KAZN: variants seen among roughly 807,000 people sequenced by gnomAD.
KAZN encodes the protein kazrin.
In KAZN, 40 loss-of-function variants were observed where a neutral mutation model predicts 87.4. That is an observed-to-expected ratio of 0.46 (90% CI 0.36 to 0.60). The LOEUF (loss-of-function observed/expected upper bound fraction) is 0.60. Among genes scored for constraint, KAZN ranks in the 20% least tolerant of loss-of-function variants. The pLI, the probability that KAZN is intolerant of heterozygous loss-of-function variation, is 0.00. For synonymous variants in KAZN, 466 were observed against 458.3 expected, an observed-to-expected ratio of 1.02 and a Z score of -0.22; for missense variants, 898 against 1,073.9, an observed-to-expected ratio of 0.84 and a Z score of 2.29.
chr1:14,744,175 C>T (rs1402507349), intron 1 of KAZN, among the ~76,000 whole-genome samples: 2 of 152,190 alleles, frequency 1.3e-5, no homozygotes, highest in Non-Finnish European at 2.9e-5. Flanking sequence ...CATTTGCACA[C>T]ATTATTAATA....
chr1:14,008,185 C>A (rs1379624068), intron 1 of KAZN, among the ~76,000 whole-genome samples: 2 of 152,130 alleles, frequency 1.3e-5, no homozygotes, highest in East Asian at 1.9e-4. Context: ...TCATGCAAAA[C>A]CCTCCTGTGC....
chr1:14,576,804 GA>G (rs141008552), intron 2 of KAZN, among the ~76,000 whole-genome samples: 15,288 of 152,050 alleles, frequency 0.1, 825 homozygotes, highest in Non-Finnish European at 0.13. Context: ...AAAAAAAAAG[GA>G]AAAAAATCCA....
At chr1:14,911,871 G>A (rs994211075) in intron 1 of KAZN, among the ~76,000 whole-genome samples, 3 of 152,142 alleles carry the variant, frequency 2.0e-5, no homozygotes, top group African/African-American at 2.4e-5. Context: ...GAAAAGCCTC[G>A]GCCAGGCACG....
chr1:14,126,353 T>TCCCCCCCCCCCCCCCCCCC (rs111821810), intron 1 of KAZN, among the ~76,000 whole-genome samples: 1 of 34,158 alleles, frequency 2.9e-5, no homozygotes, highest in Non-Finnish European at 5.3e-5. Context: ...AGCTCTCCCC[T>TCCCCCCCCCCCCCCCCCCC]CCCCCCCCCC....
chr1:14,544,681 G>A (rs1261597175), intron 2 of KAZN, among the ~76,000 whole-genome samples: 3 of 150,680 alleles, frequency 2.0e-5, no homozygotes, highest in Non-Finnish European at 2.9e-5. Flanking sequence ...ATGTATTTAT[G>A]CCACATTATT....
intron 2 of KAZN, among the ~76,000 whole-genome samples, chr1:14,323,286 C>T (rs897289762): frequency 6.6e-6 from 1 of 152,002 alleles, no homozygotes; most frequent in Non-Finnish European, 1.5e-5. Context: ...CGTGGCCATG[C>T]CTGGTGGATG....
intron 2 of KAZN, among the ~76,000 whole-genome samples, chr1:14,571,325 C>T (rs1674850877): frequency 6.6e-6 from 1 of 151,798 alleles, no homozygotes; most frequent in African/African-American, 2.4e-5. Context: ...GCAATAATTA[C>T]ACCAAAGAGA....
At chr1:14,473,500 G>A (rs1187116817) in intron 2 of KAZN, among the ~76,000 whole-genome samples, 2 of 152,040 alleles carry the variant, frequency 1.3e-5, no homozygotes, top group African/African-American at 4.8e-5. Flanking sequence ...GGTGGCATAT[G>A]CCTGTAGTTC....
rs150911958 is a variant in KAZN, at chr1:14,927,276, G to T, written c.227-33408G>T. Among the ~76,000 whole-genome samples the T allele has an allele frequency of 4.7e-3, 712 of 152,204 alleles. 7 individuals carry two copies. Among genetic ancestry groups the T allele is most frequent in the African/African-American group, 0.016 (666 of 41,516 alleles). The stretch of plus-strand genomic sequence containing the variant: ...TTGATCTTTCATTGTCCATTCATTC[G>T]GTCACATTTCTTGAGCATCTGCTCC... On this transcript the variant is annotated intron_variant, in intron 1 of 14. Transcript: ENST00000376030.
At chr1:14,000,624 C>T (rs937052699) in intron 1 of KAZN, among the ~76,000 whole-genome samples, 3 of 152,128 alleles carry the variant, frequency 2.0e-5, no homozygotes, top group African/African-American at 7.2e-5. Flanking sequence ...GGAAGCATCC[C>T]CACTGAAAAC....
chr1:14,708,074 C>T (rs965992952), intron 1 of KAZN, among the ~76,000 whole-genome samples: 1 of 152,216 alleles, frequency 6.6e-6, no homozygotes, highest in African/African-American at 2.4e-5. Flanking sequence ...CACCGGCCTT[C>T]TCCTCACTGG....
At chr1:14,713,792 A>G (rs988988069) in intron 1 of KAZN, among the ~76,000 whole-genome samples, 2 of 130,348 alleles carry the variant, frequency 1.5e-5, no homozygotes, top group Non-Finnish European at 3.3e-5. Flanking sequence ...AAAAAAAAAA[A>G]AAAAAAAAGA....
intron 2 of KAZN, among the ~76,000 whole-genome samples, chr1:14,437,809 T>C (rs1479492346): frequency 2.0e-5 from 3 of 152,068 alleles, no homozygotes; most frequent in Admixed American, 6.5e-5. Context: ...GTTTCTACCC[T>C]GGCTATTTAA....
At chr1:14,594,743 A>G (rs1412387088), upstream of KAZN, among the ~76,000 whole-genome samples, 3 of 152,138 alleles carry the variant, frequency 2.0e-5, no homozygotes, top group South Asian at 2.1e-4. Flanking sequence ...CCTTCTCCCA[A>G]CAGTTTGCAG....
chr1:14,863,607 G>T (rs1292389532), intron 1 of KAZN, among the ~76,000 whole-genome samples: 1 of 152,158 alleles, frequency 6.6e-6, no homozygotes, highest in Non-Finnish European at 1.5e-5. Flanking sequence ...AACCTTAGGG[G>T]CTGTAGCAGT....
At chr1:14,546,049 C>T (rs1269374497) in intron 2 of KAZN, among the ~76,000 whole-genome samples, 1 of 152,116 alleles carries the variant, frequency 6.6e-6, no homozygotes, top group Non-Finnish European at 1.5e-5. Context: ...GATGGTGGAT[C>T]TTACATGATG....
At chr1:14,132,292 G>A (rs1296002235) in intron 1 of KAZN, among the ~76,000 whole-genome samples, 1 of 152,166 alleles carries the variant, frequency 6.6e-6, no homozygotes, top group Non-Finnish European at 1.5e-5. Flanking sequence ...GCTAGGGTCA[G>A]GGGGTAGGCT....
intron 2 of KAZN, among the ~76,000 whole-genome samples, chr1:14,297,678 A>G (rs536660855): frequency 2.4e-4 from 36 of 152,242 alleles, no homozygotes; most frequent in Middle Eastern, 3.4e-3. Flanking sequence ...CCCCTCCCCA[A>G]TGCTACCTAC....
At chr1:14,079,192 CAT>C (rs1045097373) in intron 1 of KAZN, among the ~76,000 whole-genome samples, 1 of 152,180 alleles carries the variant, frequency 6.6e-6, no homozygotes, top group Non-Finnish European at 1.5e-5. Flanking sequence ...AAGGAACAGA[CAT>C]GTCACATGGC....
Sources: allele counts gnomAD v4.1 joint callset (sites outside exome capture counted in the v4.1 genomes callset), GRCh38; gene constraint gnomAD v4.1.1; transcripts MANE v1.5; gene names NCBI Gene and HGNC (gene_info 2026-07-23, HGNC 2026-07-21).